Variants in CTNNA2 observed in about 807,000 individuals in gnomAD.
The protein encoded by CTNNA2 is catenin alpha-2.
In CTNNA2, 42 loss-of-function variants were observed where a neutral mutation model predicts 101.0. The ratio of observed to expected loss-of-function variants is 0.42; its 90% confidence interval spans 0.32 to 0.54. CTNNA2 has a LOEUF of 0.54. Ranked by LOEUF, CTNNA2 falls within the 20% of genes least tolerant of loss-of-function variation. The pLI, the probability that CTNNA2 is intolerant of heterozygous loss-of-function variation, is 0.14. For synonymous variants in CTNNA2, 450 were observed against 456.4 expected (o/e 0.99, Z 0.18); for missense variants, 871 against 1,223.1 (o/e 0.71, Z 4.29).
chr2:79,466,469 A>C (rs902865717), intron 4 of CTNNA2, among the ~76,000 whole-genome samples: 13 of 152,218 alleles, frequency 8.5e-5, no homozygotes, highest in African/African-American at 2.7e-4. Flanking sequence ...ATAGCCAAAC[A>C]AAAGGCAGCA....
At chr2:80,418,631 C>A (rs1680242695) in intron 8 of CTNNA2, among the ~76,000 whole-genome samples, 1 of 152,162 alleles carries the variant, frequency 6.6e-6, no homozygotes, top group African/African-American at 2.4e-5. Flanking sequence ...CACTTGAATG[C>A]TCCTGGATAG....
intron 7 of CTNNA2, among the ~76,000 whole-genome samples, chr2:80,171,759 C>T (rs1473795289): frequency 1.3e-5 from 2 of 152,154 alleles, no homozygotes; most frequent in Non-Finnish European, 2.9e-5. Flanking sequence ...TTGTCCCAAA[C>T]TCAGTCACAT....
chr2:80,477,285 A>C (rs2149493858), intron 9 of CTNNA2, among the ~76,000 whole-genome samples: 1 of 152,346 alleles, frequency 6.6e-6, no homozygotes, highest in East Asian at 1.9e-4. Flanking sequence ...TGGTTGTAAT[A>C]ACAGTCAATA....
chr2:80,346,083 A>G (rs967645927), intron 7 of CTNNA2, among the ~76,000 whole-genome samples: 19 of 152,330 alleles, frequency 1.2e-4, no homozygotes, highest in African/African-American at 3.6e-4. Flanking sequence ...GAACTACAGG[A>G]ATTCAGATCT....
At chr2:80,277,787 G>T (rs1373354633) in intron 7 of CTNNA2, among the ~76,000 whole-genome samples, 2 of 152,172 alleles carry the variant, frequency 1.3e-5, no homozygotes, top group East Asian at 3.9e-4. Flanking sequence ...CACTCCTTCT[G>T]CTAGAAGGTT....
At chr2:80,375,237 C>T (rs1213726196) in intron 7 of CTNNA2, among the ~76,000 whole-genome samples, 1 of 152,068 alleles carries the variant, frequency 6.6e-6, no homozygotes, top group Non-Finnish European at 1.5e-5. Context: ...GTTGGGATAG[C>T]CTCGGGAAAG....
intron 1 of CTNNA2, among the ~76,000 whole-genome samples, chr2:79,611,561 CAT>C (rs1678275245): frequency 1.3e-5 from 2 of 152,262 alleles, no homozygotes; most frequent in South Asian, 4.1e-4. Flanking sequence ...ATCCTGAAAA[CAT>C]ATTGCTGCTT....
rs1396692939 is a variant in CTNNA2, at chr2:80,478,039, A to C, written c.1290+58438A>C. Among the ~76,000 whole-genome samples the C allele has an allele frequency of 2.0e-5, 3 of 152,016 alleles. No individual in the cohort carries two copies. In the East Asian group the frequency reaches 5.8e-4, roughly 29 times the overall value. ...GTGTATAAGCATTCCCTTTGACTGCATCTGCCCCAAGACCTGTGGTTTTTT... is the reference window on the plus strand; with the variant it reads ...GTGTATAAGCATTCCCTTTGACTGCCTCTGCCCCAAGACCTGTGGTTTTTT... On this transcript the variant is annotated intron_variant, in intron 9 of 18. Coordinates refer to ENST00000402739, the MANE Select transcript of CTNNA2 (RefSeq NM_001282597.3).
At chr2:80,450,065 T>A (rs576802026) in intron 9 of CTNNA2, among the ~76,000 whole-genome samples, 2 of 152,334 alleles carry the variant, frequency 1.3e-5, no homozygotes, top group Admixed American at 1.3e-4. Flanking sequence ...ATGTTAGGAA[T>A]GTCCAAAGAA....
At chr2:80,085,445 C>T (rs1558793385) in intron 7 of CTNNA2, among the ~76,000 whole-genome samples, 3 of 152,038 alleles carry the variant, frequency 2.0e-5, no homozygotes. Context: ...AGAACACAAA[C>T]ATTTCCGAAT....
chr2:79,668,571 A>T (rs1266845189), intron 2 of CTNNA2, among the ~76,000 whole-genome samples: 1 of 152,190 alleles, frequency 6.6e-6, no homozygotes, highest in Non-Finnish European at 1.5e-5. Flanking sequence ...TTCTTTTCTC[A>T]AGATAGTATT....
chr2:79,417,376 T>C (rs1203874178), intron 4 of CTNNA2, among the ~76,000 whole-genome samples: 3 of 152,136 alleles, frequency 2.0e-5, no homozygotes, highest in African/African-American at 7.2e-5. Flanking sequence ...AAAAGGCAAA[T>C]TCTTCTTTTA....
At chr2:79,586,448 C>T (rs947174597) in intron 1 of CTNNA2, among the ~76,000 whole-genome samples, 1 of 152,016 alleles carries the variant, frequency 6.6e-6, no homozygotes, top group African/African-American at 2.4e-5. Flanking sequence ...GTTTTATGCC[C>T]TATTTTCCTT....
intron 4 of CTNNA2, among the ~76,000 whole-genome samples, chr2:79,859,432 G>T (rs1365128674): frequency 6.6e-6 from 1 of 152,022 alleles, no homozygotes; most frequent in Non-Finnish European, 1.5e-5. Flanking sequence ...ACCGAAGGTG[G>T]CCCCAATAAA....
intron 3 of CTNNA2, among the ~76,000 whole-genome samples, chr2:79,769,103 G>C (rs1033419807): frequency 3.3e-5 from 5 of 151,988 alleles, no homozygotes; most frequent in African/African-American, 9.7e-5. Context: ...GATCCGCCCG[G>C]CTCGGCCTCC....
intron 7 of CTNNA2, among the ~76,000 whole-genome samples, chr2:80,002,792 T>C (rs955857384): frequency 2.6e-5 from 4 of 152,196 alleles, no homozygotes; most frequent in African/African-American, 9.6e-5. Flanking sequence ...TCCACGCTCA[T>C]CACTGATATA....
chr2:80,348,417 G>T (rs1002350184), intron 7 of CTNNA2, among the ~76,000 whole-genome samples: 9 of 152,136 alleles, frequency 5.9e-5, no homozygotes, highest in Non-Finnish European at 4.4e-5. Flanking sequence ...ATGCTATGCA[G>T]TAGTTATTTC....
At chr2:80,219,111 G>GC (rs1266321395) in intron 7 of CTNNA2, among the ~76,000 whole-genome samples, 1 of 152,152 alleles carries the variant, frequency 6.6e-6, no homozygotes, top group African/African-American at 2.4e-5. Flanking sequence ...AAGAAAAAAA[G>GC]CCAGGATTGA....
At chr2:79,594,384 G>A (rs188337978) in intron 1 of CTNNA2, among the ~76,000 whole-genome samples, 1 of 152,194 alleles carries the variant, frequency 6.6e-6, no homozygotes, top group Non-Finnish European at 1.5e-5. Context: ...ATGATCCTAG[G>A]TGATTTAACT....
Sources: allele counts gnomAD v4.1 joint callset (sites outside exome capture counted in the v4.1 genomes callset), GRCh38; gene constraint gnomAD v4.1.1; transcripts MANE v1.5; gene names NCBI Gene and HGNC (gene_info 2026-07-23, HGNC 2026-07-21).